MYRFL: variants seen among roughly 807,000 people sequenced by gnomAD.
The protein encoded by MYRFL is myelin regulatory factor-like protein.
In MYRFL, 88 loss-of-function variants were observed where a neutral mutation model predicts 109.4. That is an observed-to-expected ratio of 0.80 (90% CI 0.68 to 0.96). The LOEUF is 0.96. Ranked by LOEUF, MYRFL falls within the 40% of genes least tolerant of loss-of-function variation. The pLI is 0.00. For missense variants in MYRFL, 957 were observed against 954.9 expected, an observed-to-expected ratio of 1.00 and a Z score of -0.03; for synonymous variants, 324 against 320.9, an observed-to-expected ratio of 1.01 and a Z score of -0.10.
chr12:69,936,098 T>G lies in MYRFL; in HGVS notation c.1917-15T>G. Reference sequence around the variant, plus strand: ...ATAATGTTTTTTTTTTTTTTTTTTTTTTTTTTTTTGACAGTGCTTTGACGA... The same window carrying G: ...ATAATGTTTTTTTTTTTTTTTTTTTGTTTTTTTTTGACAGTGCTTTGACGA... On this transcript the variant is annotated splice_polypyrimidine_tract_variant and intron_variant, in intron 16 of 24. Transcript: ENST00000552032. The G allele has an allele frequency of 7.0e-7, 1 of 1,433,542 alleles. No homozygotes were observed. Among genetic ancestry groups the G allele is most frequent in the Non-Finnish European group, 9.1e-7 (1 of 1,100,090 alleles). The allele number at this position is 1,433,542 out of a possible 1,614,324, so 88.8% of individuals were successfully genotyped here.
intron 19 of MYRFL, among the ~76,000 whole-genome samples, chr12:69,938,748 A>G (rs891192427): frequency 1.3e-5 from 2 of 152,240 alleles, no homozygotes; most frequent in African/African-American, 4.8e-5. Flanking sequence ...GCGATGCAGA[A>G]GACGGGTGAT....
At chr12:69,892,688 C>A (rs1302830617) in intron 7 of MYRFL, among the ~76,000 whole-genome samples, 1 of 152,078 alleles carries the variant, frequency 6.6e-6, no homozygotes, top group Non-Finnish European at 1.5e-5. Flanking sequence ...AAACAAAAAC[C>A]AAAATACATA....
At chr12:69,927,662 C>T (rs1322932716) in intron 14 of MYRFL, 23 bp from the exon 15 acceptor site, 5 of 1,521,828 alleles carry the variant, frequency 3.3e-6, no homozygotes, top group East Asian at 2.5e-5. Flanking sequence ...TGAATAGTAA[C>T]CAATTTTCTC....
intron 6 of MYRFL, among the ~76,000 whole-genome samples, chr12:69,889,811 C>T (rs1886686116): frequency 6.6e-6 from 1 of 151,902 alleles, no homozygotes; most frequent in Admixed American, 6.6e-5. Flanking sequence ...GAGCTGAGAT[C>T]ACGCCACTGC....
At chr12:69,849,418 G>A (rs1241781319) in intron 1 of MYRFL, among the ~76,000 whole-genome samples, 1 of 152,138 alleles carries the variant, frequency 6.6e-6, no homozygotes, top group Non-Finnish European at 1.5e-5. Flanking sequence ...TAGGATTTGA[G>A]TATACCATTC....
intron 13 of MYRFL, among the ~76,000 whole-genome samples, chr12:69,919,237 T>C (rs946758641): frequency 6.6e-6 from 1 of 152,196 alleles, no homozygotes; most frequent in African/African-American, 2.4e-5. Context: ...GTAAATCATC[T>C]TGGTAAGACA....
chr12:69,931,278 C>T (rs748649191), intron 15 of MYRFL, among the ~76,000 whole-genome samples: 7 of 152,182 alleles, frequency 4.6e-5, no homozygotes, highest in Non-Finnish European at 7.4e-5. Context: ...CAACAAATTT[C>T]ATTGAGTTTC....
Position 69,825,347 on chromosome 12 carries a change from A to C in MYRFL, c.-171A>C, listed in dbSNP as rs1364733457. 1.4e-6 allele frequency: 1 copy of C among 697,542 alleles called. No homozygotes were observed. The highest frequency in any genetic ancestry group is 2.6e-6 in the Non-Finnish European group (1 of 382,038). 43.2% of individuals were successfully genotyped at this position (697,542 alleles called of 1,614,324 possible). On this transcript the variant is annotated 5_prime_UTR_variant, in exon 1 of 25. Transcript: ENST00000552032. ...GTTTTATAATCACATTTGAAAACTC[A>C]ACCATCTTTCTGGGCACAATTTGAT...
chr12:69,885,114 T>TA (rs1886365936), intron 5 of MYRFL, among the ~76,000 whole-genome samples: 24 of 151,992 alleles, frequency 1.6e-4, no homozygotes, highest in Admixed American at 1.4e-3. Flanking sequence ...TTTCTTTTTT[T>TA]TAAAAAAAAA....
chr12:69,890,464 G>A (rs7300450), intron 6 of MYRFL, among the ~76,000 whole-genome samples: 48,584 of 152,080 alleles, frequency 0.32, 8,068 homozygotes, highest in African/African-American at 0.37. Flanking sequence ...GGGTGTGGTA[G>A]CTCACACCTG....
At chr12:69,837,292 C>T (rs1256180244) in intron 1 of MYRFL, among the ~76,000 whole-genome samples, 1 of 152,202 alleles carries the variant, frequency 6.6e-6, no homozygotes, top group East Asian at 1.9e-4. Flanking sequence ...CTCTCACTCA[C>T]TTACCCCTAG....
At chr12:69,884,100 G>A (rs866117769) in intron 5 of MYRFL, among the ~76,000 whole-genome samples, 6 of 152,136 alleles carry the variant, frequency 3.9e-5, no homozygotes, top group African/African-American at 1.4e-4. Context: ...ATAAAATAGT[G>A]TACTTATGAT....
chr12:69,933,791 G>A (rs968141887), intron 16 of MYRFL, among the ~76,000 whole-genome samples: 1 of 152,132 alleles, frequency 6.6e-6, no homozygotes, highest in Non-Finnish European at 1.5e-5. Flanking sequence ...ATTCTCTAGA[G>A]ACACAGATTC....
intron 1 of MYRFL, among the ~76,000 whole-genome samples, chr12:69,844,356 A>G (rs926270175): frequency 2.6e-5 from 4 of 152,154 alleles, no homozygotes; most frequent in African/African-American, 9.7e-5. Context: ...CTTAGAATCT[A>G]TAGGCCACCT....
intron 19 of MYRFL, among the ~76,000 whole-genome samples, chr12:69,946,276 C>T (rs1308706396): frequency 1.3e-5 from 2 of 152,108 alleles, no homozygotes; most frequent in Non-Finnish European, 2.9e-5. Context: ...TCTTTGACTA[C>T]AAATGAAATT....
intron 10 of MYRFL, among the ~76,000 whole-genome samples, chr12:69,897,486 G>A (rs1954034305): frequency 6.6e-6 from 1 of 152,168 alleles, no homozygotes; most frequent in Non-Finnish European, 1.5e-5. Flanking sequence ...AGTGGGTAGA[G>A]ACCAGGCATT....
At chr12:69,928,378 G>C (rs530097488) in intron 15 of MYRFL, among the ~76,000 whole-genome samples, 1 of 152,340 alleles carries the variant, frequency 6.6e-6, no homozygotes, top group South Asian at 2.1e-4. Context: ...TTTGTAAGTA[G>C]CTACAAAACT....
intron 21 of MYRFL, among the ~76,000 whole-genome samples, chr12:69,953,692 A>G (rs977899709): frequency 2.6e-5 from 4 of 151,892 alleles, no homozygotes; most frequent in Admixed American, 6.6e-5. Flanking sequence ...TTTTGAGCCC[A>G]GGAGGTCGAG....
intron 18 of MYRFL, 33 bp from the exon 19 acceptor site, chr12:69,936,420 T>C (rs998939559): frequency 5.2e-6 from 8 of 1,526,072 alleles, no homozygotes; most frequent in Non-Finnish European, 7.0e-6. Context: ...TTAACCTTCT[T>C]GCTTCCCCTC....
Sources: gnomAD v4.1 joint callset for allele counts (sites outside exome capture counted in the v4.1 genomes callset) on GRCh38, gnomAD v4.1.1 for gene constraint, MANE v1.5 for transcripts, NCBI Gene and HGNC (gene_info 2026-07-23, HGNC 2026-07-21) for gene names.